CCDC91: variants seen among roughly 807,000 people sequenced by gnomAD.
CCDC91 encodes coiled-coil domain containing 91, also known as coiled-coil domain-containing protein 91.
CCDC91 carries 48 observed loss-of-function variants against 63.2 expected under a neutral mutation model. The ratio of observed to expected loss-of-function variants is 0.76; its 90% confidence interval spans 0.60 to 0.97. The LOEUF (loss-of-function observed/expected upper bound fraction) is 0.97, where lower values mean the gene tolerates loss of function less well. Among genes scored for constraint, CCDC91 ranks in the 50% least tolerant of loss-of-function variants. The pLI is 0.00. For missense variants in CCDC91, 500 were observed against 494.6 expected (o/e 1.01, Z -0.10); for synonymous variants, 167 against 165.8 (o/e 1.01, Z -0.06).
intron 6 of CCDC91, among the ~76,000 whole-genome samples, chr12:28,314,904 G>T (rs1223183308): frequency 6.6e-6 from 1 of 151,682 alleles, no homozygotes; most frequent in Non-Finnish European, 1.5e-5. Context: ...TGTGAGATAT[G>T]GTCAAGTATT....
At chr12:28,458,897 A>G (rs1185777500) in intron 11 of CCDC91, among the ~76,000 whole-genome samples, 1 of 152,162 alleles carries the variant, frequency 6.6e-6, no homozygotes, top group Non-Finnish European at 1.5e-5. Context: ...TTGGAGTGAA[A>G]AATGGATATC....
intron 12 of CCDC91, among the ~76,000 whole-genome samples, chr12:28,516,188 C>A (rs897506609): frequency 1.3e-5 from 2 of 151,844 alleles, no homozygotes; most frequent in African/African-American, 4.8e-5. Flanking sequence ...GCAGACTTTA[C>A]CTGAAAAAGT....
intron 6 of CCDC91, among the ~76,000 whole-genome samples, chr12:28,336,391 T>A (rs1941985095): frequency 6.6e-6 from 1 of 152,140 alleles, no homozygotes; most frequent in South Asian, 2.1e-4. Flanking sequence ...TAAGTCCTAA[T>A]AGAACAAAAA....
intron 12 of CCDC91, among the ~76,000 whole-genome samples, chr12:28,490,224 A>C (rs1951927239): frequency 1.3e-5 from 2 of 151,840 alleles, no homozygotes; most frequent in Non-Finnish European, 2.9e-5. Context: ...ATGTGCAAGA[A>C]GTAGCTCATT....
intron 8 of CCDC91, among the ~76,000 whole-genome samples, chr12:28,419,259 C>T (rs1947860893): frequency 6.6e-6 from 1 of 152,116 alleles, no homozygotes; most frequent in Non-Finnish European, 1.5e-5. Context: ...GAAATCTTCA[C>T]AAGACCATTT....
intron 12 of CCDC91, among the ~76,000 whole-genome samples, chr12:28,538,099 A>G (rs1185689700): frequency 7.3e-6 from 1 of 136,642 alleles, no homozygotes; most frequent in East Asian, 2.1e-4. Flanking sequence ...TTTTAATTTT[A>G]GGGTTTTTTT....
chr12:28,296,540 A>G (rs1949575236), intron 3 of CCDC91, among the ~76,000 whole-genome samples: 2 of 151,888 alleles, frequency 1.3e-5, no homozygotes, highest in Non-Finnish European at 2.9e-5. Context: ...TTGGCCTTTT[A>G]AAAGCTATTA....
intron 12 of CCDC91, among the ~76,000 whole-genome samples, chr12:28,522,726 C>G (rs1940842936): frequency 6.6e-6 from 1 of 151,576 alleles, no homozygotes; most frequent in Non-Finnish European, 1.5e-5. Flanking sequence ...TATAAATTTC[C>G]ATCTACACAC....
intron 3 of CCDC91, among the ~76,000 whole-genome samples, chr12:28,298,489 GTTGA>G (rs1334844423): frequency 6.6e-6 from 1 of 151,064 alleles, no homozygotes; most frequent in Non-Finnish European, 1.5e-5. Flanking sequence ...ACTCCTGGGG[GTTGA>G]TTATTTCAAT....
At chr12:28,316,711 A>T (rs1305026179) in intron 6 of CCDC91, among the ~76,000 whole-genome samples, 1 of 151,020 alleles carries the variant, frequency 6.6e-6, no homozygotes, top group Non-Finnish European at 1.5e-5. Context: ...AACTTTTTAA[A>T]TGAGTCATTT....
At chr12:28,338,746 T>G (rs1565821545) in intron 6 of CCDC91, among the ~76,000 whole-genome samples, 2 of 152,134 alleles carry the variant, frequency 1.3e-5, no homozygotes, top group African/African-American at 2.4e-5. Flanking sequence ...ATTGCCATGT[T>G]CTGGGGAAGA....
chr12:28,295,018 A>T (rs887648161), intron 3 of CCDC91, among the ~76,000 whole-genome samples: 8 of 152,192 alleles, frequency 5.3e-5, no homozygotes, highest in Admixed American at 5.2e-4. Context: ...CACAAGTTTC[A>T]GGGTTATCTG....
chr12:28,294,637 T>C (rs182521009), intron 3 of CCDC91, among the ~76,000 whole-genome samples: 181 of 152,026 alleles, frequency 1.2e-3, no homozygotes, highest in Non-Finnish European at 2.2e-3. Flanking sequence ...CAGGCTGGAG[T>C]GCAGTGGCAC....
chr12:28,520,911 G>C lies in CCDC91; in HGVS notation c.1216-28152G>C, dbSNP rs188826349. Among the ~76,000 whole-genome samples, 12 of 152,074 alleles carry C rather than the reference G, an allele frequency of 7.9e-5. No individual in the cohort carries two copies. In the East Asian group the frequency reaches 2.3e-3, roughly 29 times the overall value. ...GTGTGGTATTATTTCTGAGTGCTCT[G>C]TTCTGTTGCATTGGTCTATATCTCT... On this transcript the variant is annotated intron_variant, in intron 12 of 12. Coordinates refer to ENST00000536442, the MANE Select transcript of CCDC91 (RefSeq NM_018318.5).
rs111659242 is a variant in CCDC91, at chr12:28,492,845, A to C, written c.1215+8680A>C. On this transcript the variant is annotated intron_variant, in intron 12 of 12. Coordinates refer to ENST00000536442, the MANE Select transcript of CCDC91 (RefSeq NM_018318.5). ...TCATGGAAATCATTGTTCAGAGTGA[A>C]TTATTAAAGATATAACCTTGAAAAA... Among the ~76,000 whole-genome samples, 294 of 151,798 alleles carry C rather than the reference A, an allele frequency of 1.9e-3. 1 individual carries two copies. Among genetic ancestry groups the C allele is most frequent in the Non-Finnish European group, 3.0e-3 (204 of 67,810 alleles).
intron 7 of CCDC91, among the ~76,000 whole-genome samples, chr12:28,371,167 C>G (rs1944597402): frequency 6.6e-6 from 1 of 152,024 alleles, no homozygotes; most frequent in African/African-American, 2.4e-5. Context: ...GGGTCCTTAA[C>G]CCCCAGGCTG....
chr12:28,285,476 C>G lies in CCDC91; in HGVS notation c.110-20173C>G, dbSNP rs570981642. 5.9e-5 allele frequency among the ~76,000 whole-genome samples: 9 copies of G among 151,872 alleles called. No individual in the cohort carries two copies. In the East Asian group the frequency reaches 9.8e-4, roughly 17 times the overall value. ...TCAAGGTCCATTCTCTCCCTACATG[C>G]AGAACAAATGTTAAGTCATATTATG... is the stretch of plus-strand genomic sequence containing the variant. On this transcript the variant is annotated intron_variant, in intron 3 of 12. Coordinates refer to ENST00000536442, the MANE Select transcript of CCDC91 (RefSeq NM_018318.5).
chr12:28,500,867 C>G (rs1937739941), intron 12 of CCDC91, among the ~76,000 whole-genome samples: 1 of 151,636 alleles, frequency 6.6e-6, no homozygotes, highest in Non-Finnish European at 1.5e-5. Context: ...TATTTTTATA[C>G]TCAATCTGTT....
chr12:28,424,696 T>G (rs1341918694), intron 8 of CCDC91, among the ~76,000 whole-genome samples: 1 of 152,186 alleles, frequency 6.6e-6, no homozygotes, highest in African/African-American at 2.4e-5. Context: ...TAGAACACAT[T>G]TCTTTCTTCT....
Sources: gnomAD v4.1 joint callset for allele counts (sites outside exome capture counted in the v4.1 genomes callset) on GRCh38, gnomAD v4.1.1 for gene constraint, MANE v1.5 for transcripts, NCBI Gene and HGNC (gene_info 2026-07-23, HGNC 2026-07-21) for gene names.